The following TOX variants were observed in gnomAD, a reference collection of about 807,000 sequenced individuals.
TOX encodes thymocyte selection-associated high mobility group box protein TOX.
In TOX, 11 loss-of-function variants were observed where a neutral mutation model predicts 53.7. That is an observed-to-expected ratio of 0.20 (90% CI 0.13 to 0.34). TOX has a LOEUF of 0.34. Among genes scored for constraint, TOX ranks in the 10% least tolerant of loss-of-function variants. The pLI is 1.00. For synonymous variants in TOX, 225 were observed against 245.3 expected (o/e 0.92, Z 0.77); for missense variants, 570 against 664.6 (o/e 0.86, Z 1.56).
At chr8:58,933,157 G>A (rs896256454) in intron 3 of TOX, among the ~76,000 whole-genome samples, 2 of 152,100 alleles carry the variant, frequency 1.3e-5, no homozygotes, top group Non-Finnish European at 2.9e-5. Context: ...AACTTTGCAC[G>A]GTTTTTCTTT....
chr8:59,009,744 T>C (rs920402069), intron 1 of TOX, among the ~76,000 whole-genome samples: 1 of 152,210 alleles, frequency 6.6e-6, no homozygotes, highest in Non-Finnish European at 1.5e-5. Context: ...TACTTCTCTT[T>C]TTGTTTCCTT....
intron 3 of TOX, among the ~76,000 whole-genome samples, chr8:58,861,350 A>C (rs1464815644): frequency 6.6e-6 from 1 of 152,122 alleles, no homozygotes; most frequent in Non-Finnish European, 1.5e-5. Context: ...TGGTAAGGGG[A>C]GTTTATGAAT....
rs1275278112 is a variant in TOX, at chr8:58,851,185, T to TCTCACA, written c.693+338_693+339insTGTGAG. 2.3e-4 allele frequency among the ~76,000 whole-genome samples: 33 copies of TCTCACA among 140,840 alleles called. No individual in the cohort carries two copies. Among genetic ancestry groups the TCTCACA allele is most frequent in the African/African-American group, 8.8e-4 (32 of 36,484 alleles). 92.4% of individuals were successfully genotyped at this position (140,840 alleles called of 152,430 possible). A position where few individuals can be genotyped will look rare whatever the true frequency, so the allele number is the denominator to read the frequency against. On this transcript the variant is annotated intron_variant, in intron 4 of 8. Transcript: ENST00000361421. This position sits in a 1 kb window ranked among gnomAD's most constrained non-coding sequence, Gnocchi z 4.4. Reference sequence around the variant, plus strand: ...CTCTCTCTCTCTCTCTCTCTCTCTCTCACACACACACACACACACACACAC... The same window carrying TCTCACA: ...CTCTCTCTCTCTCTCTCTCTCTCTCTCTCACACACACACACACACACACACACACAC...
intron 1 of TOX, among the ~76,000 whole-genome samples, chr8:59,043,615 C>T (rs976661832): frequency 8.5e-5 from 13 of 152,120 alleles, no homozygotes; most frequent in Admixed American, 3.9e-4. Flanking sequence ...GCAATACTCT[C>T]GGGTCAACTG....
intron 1 of TOX, among the ~76,000 whole-genome samples, chr8:59,021,559 ACT>A: frequency 6.7e-6 from 1 of 148,940 alleles, no homozygotes; most frequent in Admixed American, 6.7e-5. Context: ...TAAATCTGAC[ACT>A]GTTTCTTAAC....
intron 3 of TOX, among the ~76,000 whole-genome samples, chr8:58,884,709 T>C (rs1001648928): frequency 6.6e-6 from 1 of 152,162 alleles, no homozygotes; most frequent in African/African-American, 2.4e-5. Context: ...CTTGAATTAC[T>C]ACTGTCCTTA....
chr8:59,066,002 A>G (rs997060674), intron 1 of TOX, among the ~76,000 whole-genome samples: 1 of 152,204 alleles, frequency 6.6e-6, no homozygotes, highest in Non-Finnish European at 1.5e-5. Context: ...AATAGACAAA[A>G]GATGTCCAAA....
intron 1 of TOX, among the ~76,000 whole-genome samples, chr8:59,096,194 CA>C (rs1296596404): frequency 6.6e-6 from 1 of 152,130 alleles, no homozygotes; most frequent in African/African-American, 2.4e-5. Context: ...CCTGATGAAA[CA>C]GACTAACATT....
At chr8:58,888,643 G>T (rs903427411) in intron 3 of TOX, among the ~76,000 whole-genome samples, 3 of 151,572 alleles carry the variant, frequency 2.0e-5, no homozygotes, top group African/African-American at 4.8e-5. Flanking sequence ...ACTAATAGAT[G>T]CCAAAATTTA....
At chr8:58,844,853 C>T (rs1212965872) in intron 4 of TOX, among the ~76,000 whole-genome samples, 6 of 152,056 alleles carry the variant, frequency 3.9e-5, no homozygotes, top group Non-Finnish European at 8.8e-5. Flanking sequence ...TACACAGATA[C>T]ACGTGCTTCA....
At chr8:59,084,410 TG>T (rs1804472515) in intron 1 of TOX, among the ~76,000 whole-genome samples, 1 of 152,144 alleles carries the variant, frequency 6.6e-6, no homozygotes, top group South Asian at 2.1e-4. Flanking sequence ...AGTTTTTAAG[TG>T]AGAGACAGAT....
chr8:59,001,391 C>T (rs1813686045), intron 1 of TOX, among the ~76,000 whole-genome samples: 1 of 152,150 alleles, frequency 6.6e-6, no homozygotes, highest in South Asian at 2.1e-4. Flanking sequence ...CACATACCTC[C>T]CACTCACACC....
intron 2 of TOX, among the ~76,000 whole-genome samples, chr8:58,941,050 A>G (rs1411447539): frequency 6.6e-6 from 1 of 152,106 alleles, no homozygotes; most frequent in Non-Finnish European, 1.5e-5. Flanking sequence ...AAGTTCTGCT[A>G]AAAAAATCAC....
At chr8:58,869,267 A>G (rs1159429076) in intron 3 of TOX, among the ~76,000 whole-genome samples, 1 of 151,848 alleles carries the variant, frequency 6.6e-6, no homozygotes, top group East Asian at 1.9e-4. Flanking sequence ...TATAATATGA[A>G]TAAGTCTATA....
At chr8:58,946,910 C>T (rs947397096) in intron 2 of TOX, among the ~76,000 whole-genome samples, 17 of 151,934 alleles carry the variant, frequency 1.1e-4, no homozygotes, top group Admixed American at 5.2e-4. Flanking sequence ...TATAAAATTG[C>T]GTAAGAAACA....
At chr8:58,986,199 G>A (rs1813325003) in intron 1 of TOX, among the ~76,000 whole-genome samples, 1 of 152,164 alleles carries the variant, frequency 6.6e-6, no homozygotes, top group Non-Finnish European at 1.5e-5. Context: ...AGTACTCATG[G>A]TTCCACTAAT....
chr8:58,828,191 C>T (rs926566305), intron 5 of TOX, among the ~76,000 whole-genome samples: 3 of 152,092 alleles, frequency 2.0e-5, no homozygotes, highest in Non-Finnish European at 2.9e-5. Flanking sequence ...CTATGAAATT[C>T]GAGATGTGAG....
At chr8:59,019,672 C>T (rs773761717) in intron 1 of TOX, among the ~76,000 whole-genome samples, 3 of 152,068 alleles carry the variant, frequency 2.0e-5, no homozygotes, top group Admixed American at 1.3e-4. Context: ...CATATAGATA[C>T]AAATCATTTA....
At chr8:59,013,969 T>G (rs1813963401) in intron 1 of TOX, among the ~76,000 whole-genome samples, 1 of 152,204 alleles carries the variant, frequency 6.6e-6, no homozygotes, top group Non-Finnish European at 1.5e-5. Context: ...AAATCCTGTA[T>G]GCATTTATTT....
Sources: gnomAD v4.1 joint callset for allele counts (sites outside exome capture counted in the v4.1 genomes callset) on GRCh38, gnomAD v4.1.1 for gene constraint, Gnocchi (gnomAD v3.1) non-coding constraint, MANE v1.5 for transcripts, NCBI Gene and HGNC (gene_info 2026-07-23, HGNC 2026-07-21) for gene names.